Variants in CCDC69 observed in about 807,000 individuals in gnomAD.
CCDC69 encodes coiled-coil domain containing 69.
Under a neutral mutation model 40.3 loss-of-function variants are expected in CCDC69, and 38 were observed. The ratio of observed to expected loss-of-function variants is 0.94; its 90% CI spans 0.73 to 1.24. CCDC69 has a LOEUF of 1.24. CCDC69 is among the 50% of genes most tolerant of loss of function. The probability of loss-of-function intolerance (pLI) is 0.00; values close to 1 mark genes in which losing one functional copy is unlikely to be tolerated. For missense variants in CCDC69, 389 were observed against 357.9 expected (o/e 1.09, Z -0.70); for synonymous variants, 141 against 138.9 (o/e 1.02, Z -0.11).
At chr5:151,197,161 G>A (rs992963515) in intron 4 of CCDC69, among the ~76,000 whole-genome samples, 5 of 152,212 alleles carry the variant, frequency 3.3e-5, no homozygotes, top group Non-Finnish European at 2.9e-5. Context: ...GTTTATATGC[G>A]TGTCCAGAAT....
intron 1 of CCDC69, among the ~76,000 whole-genome samples, chr5:151,209,504 T>C (rs1752898965): frequency 1.3e-5 from 2 of 152,272 alleles, no homozygotes; most frequent in South Asian, 4.1e-4. Flanking sequence ...CAAAACAAGA[T>C]AACTCCTTCA....
At chr5:151,185,927 G>A (rs1752502258) in intron 6 of CCDC69, 96 bp downstream of exon 6, 1 of 835,940 alleles carries the variant, frequency 1.2e-6, no homozygotes, top group Admixed American at 1.8e-5. Context: ...CCAGGTCTGA[G>A]TCTTGTCCTT....
chr5:151,206,434 C>T (rs1183153293), intron 1 of CCDC69, among the ~76,000 whole-genome samples: 3 of 152,182 alleles, frequency 2.0e-5, no homozygotes, highest in Admixed American at 1.3e-4. Flanking sequence ...TCCCTCTCCC[C>T]TCCCCAGAGG....
chr5:151,184,440 T>C lies in CCDC69; in HGVS notation c.617A>G (p.Lys206Arg), dbSNP rs1305413168. 1.2e-6 allele frequency: 2 copies of C among 1,607,000 alleles called. No homozygotes were observed. Among genetic ancestry groups the C allele is most frequent in the Non-Finnish European group, 1.7e-6 (2 of 1,173,474 alleles). ...TTCCTCCAATATCAGATTTTTCTCT[T>C]TCTATAACAATGAGAATGAGCTCAG... ...DRRLILMETVKEKNLILEEKI... is the reference protein window; with the variant it reads ...DRRLILMETVREKNLILEEKI... Residue 206 changes from lysine (K) to arginine (R), a missense_variant and splice_region_variant, in exon 8 of 9, where the codon AAA becomes AGA. Transcript: ENST00000355417.
At chr5:151,211,466 T>C (rs1472336874) in intron 1 of CCDC69, among the ~76,000 whole-genome samples, 3 of 151,864 alleles carry the variant, frequency 2.0e-5, no homozygotes, top group Non-Finnish European at 2.9e-5. Flanking sequence ...TTAACACGAA[T>C]GTCCAGGCTG....
chr5:151,198,766 A>G, intron 4 of CCDC69: 1 of 433,782 alleles, frequency 2.3e-6, no homozygotes, highest in Non-Finnish European at 4.1e-6. Context: ...GAAAGAAAAA[A>G]ATACCTCTCA....
intron 4 of CCDC69, among the ~76,000 whole-genome samples, chr5:151,189,545 T>TA (rs1031046379): frequency 3.1e-4 from 47 of 151,100 alleles, no homozygotes; most frequent in Middle Eastern, 6.8e-3. Context: ...GTCAAAGAAT[T>TA]AGAGGAAAAA....
chr5:151,196,866 TG>T (rs1447019907), intron 4 of CCDC69, among the ~76,000 whole-genome samples: 4 of 152,202 alleles, frequency 2.6e-5, no homozygotes, highest in Non-Finnish European at 5.9e-5. Context: ...GCAATTCTCC[TG>T]GGTGTACACC....
chr5:151,217,381 T>C (rs1208039608), intron 1 of CCDC69, among the ~76,000 whole-genome samples: 2 of 152,110 alleles, frequency 1.3e-5, no homozygotes, highest in African/African-American at 4.8e-5. Context: ...GTTCTTGCTG[T>C]CATTTTTGAT....
At chr5:151,220,861 C>T (rs1414881237) in intron 1 of CCDC69, among the ~76,000 whole-genome samples, 1 of 152,054 alleles carries the variant, frequency 6.6e-6, no homozygotes, top group African/African-American at 2.4e-5. Context: ...GAAGGCCCCT[C>T]CTTACCACTG....
chr5:151,207,393 G>A (rs1360399702), intron 1 of CCDC69, among the ~76,000 whole-genome samples: 15 of 152,030 alleles, frequency 9.9e-5, no homozygotes, highest in African/African-American at 2.7e-4. Flanking sequence ...CTGGGTTCAC[G>A]CCATTCTCCT....
chr5:151,185,630 G>A (rs3822697), intron 6 of CCDC69, 89 bp from the exon 7 acceptor site: 38,525 of 1,355,734 alleles, frequency 0.028, 1,904 homozygotes, highest in East Asian at 0.21. Context: ...ACTTTCACAA[G>A]TCACCCACCT....
chr5:151,208,644 G>A (rs999327451), intron 1 of CCDC69, among the ~76,000 whole-genome samples: 4 of 152,246 alleles, frequency 2.6e-5, no homozygotes, highest in Non-Finnish European at 5.9e-5. Context: ...TGTCAACTCC[G>A]GAATCTGGGG....
chr5:151,195,313 T>C (rs1363315750), intron 4 of CCDC69, among the ~76,000 whole-genome samples: 2 of 152,218 alleles, frequency 1.3e-5, no homozygotes, highest in Non-Finnish European at 2.9e-5. Flanking sequence ...TAAAGTTGTT[T>C]TCCCATAAAG....
chr5:151,221,114 AG>A (rs1217322207), intron 1 of CCDC69, among the ~76,000 whole-genome samples: 3 of 152,174 alleles, frequency 2.0e-5, no homozygotes, highest in Non-Finnish European at 4.4e-5. Context: ...GTCCCAGGCC[AG>A]GCCTCTCAGG....
intron 4 of CCDC69, among the ~76,000 whole-genome samples, chr5:151,192,252 G>A (rs1365639547): frequency 1.3e-5 from 2 of 151,454 alleles, no homozygotes; most frequent in African/African-American, 2.4e-5. Flanking sequence ...ACCAAAAGCT[G>A]GTTCTTTGAA....
chr5:151,191,929 A>T (rs1177264139), intron 4 of CCDC69, among the ~76,000 whole-genome samples: 1 of 151,754 alleles, frequency 6.6e-6, no homozygotes, highest in Non-Finnish European at 1.5e-5. Context: ...TTAAAAATTT[A>T]AAAATTAGCT....
intron 3 of CCDC69, among the ~76,000 whole-genome samples, chr5:151,200,836 C>T (rs537924260): frequency 6.6e-6 from 1 of 152,202 alleles, no homozygotes; most frequent in Non-Finnish European, 1.5e-5. Flanking sequence ...TTTAGAGAAG[C>T]CTTCTCTGAT....
intron 1 of CCDC69, among the ~76,000 whole-genome samples, chr5:151,213,870 A>G (rs1039193258): frequency 1.3e-5 from 2 of 152,242 alleles, no homozygotes; most frequent in Non-Finnish European, 2.9e-5. Context: ...TCCGTGTCCC[A>G]TACATCACAG....
Sources: allele counts gnomAD v4.1 joint callset (sites outside exome capture counted in the v4.1 genomes callset), GRCh38; gene constraint gnomAD v4.1.1; transcripts MANE v1.5; gene names NCBI Gene and HGNC (gene_info 2026-07-23, HGNC 2026-07-21).